The following SLC6A2 variants were observed in gnomAD, a reference collection of about 807,000 sequenced individuals.
SLC6A2 encodes the protein solute carrier family 6 member 2.
A neutral mutation model predicts 71.7 loss-of-function variants in SLC6A2; 26 were observed. That is an observed-to-expected ratio of 0.36 (90% CI 0.27 to 0.50). The LOEUF (loss-of-function observed/expected upper bound fraction) is 0.50, where lower values mean the gene tolerates loss of function less well. Ranked by LOEUF, SLC6A2 falls within the 20% of genes least tolerant of loss-of-function variation. The pLI, the probability that SLC6A2 is intolerant of heterozygous loss-of-function variation, is 0.96. For synonymous variants in SLC6A2, 363 were observed against 337.9 expected (o/e 1.07, Z -0.82); for missense variants, 581 against 803.9 (o/e 0.72, Z 3.35).
intron 4 of SLC6A2, among the ~76,000 whole-genome samples, chr16:55,674,040 T>A (rs1407918032): frequency 6.6e-6 from 1 of 152,204 alleles, no homozygotes; most frequent in Non-Finnish European, 1.5e-5. Flanking sequence ...TTATTTCAAC[T>A]TTCATTTTAG....
chr16:55,660,300 A>G (rs1964575842), intron 2 of SLC6A2, among the ~76,000 whole-genome samples: 1 of 152,178 alleles, frequency 6.6e-6, no homozygotes, highest in African/African-American at 2.4e-5. Context: ...AGGCCTTGAA[A>G]GCCAGGCTAA....
chr16:55,665,997 T>C (rs766949594), intron 2 of SLC6A2, among the ~76,000 whole-genome samples: 3 of 152,258 alleles, frequency 2.0e-5, no homozygotes, highest in Non-Finnish European at 4.4e-5. Context: ...CAAAAGTGTG[T>C]GTCCATTTTG....
At chr16:55,661,937 A>G (rs1311611076) in intron 2 of SLC6A2, among the ~76,000 whole-genome samples, 2 of 152,210 alleles carry the variant, frequency 1.3e-5, no homozygotes, top group African/African-American at 4.8e-5. Flanking sequence ...AGAGGTCAGG[A>G]GTCTGCAAAC....
At chr16:55,669,946 C>G (rs1368757105) in intron 3 of SLC6A2, among the ~76,000 whole-genome samples, 1 of 152,202 alleles carries the variant, frequency 6.6e-6, no homozygotes, top group Non-Finnish European at 1.5e-5. Context: ...CCCAGAGAAT[C>G]TATTTCCTGT....
At chr16:55,698,977 G>T (rs116285605) in intron 11 of SLC6A2, among the ~76,000 whole-genome samples, 1 of 152,140 alleles carries the variant, frequency 6.6e-6, no homozygotes, top group African/African-American at 2.4e-5. Context: ...CATTATTTAT[G>T]TGAAATTCAA....
In SLC6A2 at chr16:55,700,409, C is replaced by G. The variant is rs536868260; in HGVS notation, c.1758+103C>G. On this transcript the variant is annotated intron_variant, in intron 13 of 14. Coordinates refer to ENST00000568943, the MANE Select transcript of SLC6A2 (RefSeq NM_001172501.3). ...GGGTGGGGGAAGGGACAGAAGGACACAGACACTAGGGTCAAACGGACCCAC... is the reference window on the plus strand; with the variant it reads ...GGGTGGGGGAAGGGACAGAAGGACAGAGACACTAGGGTCAAACGGACCCAC... 6.0e-5 allele frequency: 63 copies of G among 1,053,408 alleles called. No individual in the cohort carries two copies. The Middle Eastern group carries it at 9.2e-4, about 15-fold the overall frequency. The allele number at this position is 1,053,408 out of a possible 1,614,324, so 65.3% of individuals were successfully genotyped here.
At chr16:55,664,211 G>A (rs545259652) in intron 2 of SLC6A2, among the ~76,000 whole-genome samples, 3 of 152,184 alleles carry the variant, frequency 2.0e-5, no homozygotes, top group Non-Finnish European at 2.9e-5. Context: ...CCTGTCCCCC[G>A]CTCTGGCCGG....
chr16:55,681,866 T>C (rs1403842856), intron 4 of SLC6A2, among the ~76,000 whole-genome samples: 1 of 152,240 alleles, frequency 6.6e-6, no homozygotes, highest in Non-Finnish European at 1.5e-5. Context: ...AAGGACGATA[T>C]ATTAAGCTGT....
In SLC6A2 at chr16:55,699,664, G is replaced by A. The variant is rs1179333633; in HGVS notation, c.1590+10G>A. 1 of 1,595,650 alleles carries A rather than the reference G, an allele frequency of 6.3e-7. No homozygotes were observed. Among genetic ancestry groups the A allele is most frequent in the South Asian group, 1.1e-5 (1 of 90,700 alleles). On this transcript the variant is annotated intron_variant, in intron 12 of 14. Coordinates refer to ENST00000568943, the MANE Select transcript of SLC6A2 (RefSeq NM_001172501.3). ...TCCTGCCTTCCTCCTGGTGTGTAGT[G>A]TCTGCAGGGAAGTCCTGCATGTGGG...
chr16:55,681,069 C>T (rs758826776), intron 4 of SLC6A2, among the ~76,000 whole-genome samples: 4 of 152,154 alleles, frequency 2.6e-5, no homozygotes, highest in Non-Finnish European at 5.9e-5. Context: ...ACCTTCACAG[C>T]GGAGTCTCCC....
At chr16:55,666,759 A>G (rs6499771) in intron 2 of SLC6A2, among the ~76,000 whole-genome samples, 23,691 of 152,094 alleles carry the variant, frequency 0.16, 1,958 homozygotes, top group Non-Finnish European at 0.17. Flanking sequence ...TGTCACCCAG[A>G]GGTTTAGAGT....
intron 5 of SLC6A2, among the ~76,000 whole-genome samples, chr16:55,686,140 C>T (rs1476416971): frequency 6.6e-6 from 1 of 152,138 alleles, no homozygotes; most frequent in African/African-American, 2.4e-5. Flanking sequence ...TCTCACAATT[C>T]TATGGGTTGA....
At chr16:55,659,659 T>G (rs1379905802) in intron 2 of SLC6A2, among the ~76,000 whole-genome samples, 1 of 152,204 alleles carries the variant, frequency 6.6e-6, no homozygotes, top group Non-Finnish European at 1.5e-5. Context: ...CCCAAGAAAC[T>G]GCTGTTGAAT....
intron 2 of SLC6A2, among the ~76,000 whole-genome samples, chr16:55,666,068 A>G (rs1964742010): frequency 6.6e-6 from 1 of 152,232 alleles, no homozygotes. Flanking sequence ...ACTCCCAGGC[A>G]CTGGGCACTG....
At position 55,691,234 on chromosome 16, in the gene SLC6A2, A is replaced by G. The variant is rs1390591484; in HGVS notation, c.784-684A>G. On this transcript the variant is annotated intron_variant, in intron 5 of 14. Transcript: ENST00000568943. ...AGAGGGGGGGAGGGGAGAGGGGGAG[A>G]GAGAGAGAGAGAGAGAGAGAGAGAG... 5.8e-3 allele frequency among the ~76,000 whole-genome samples: 7 copies of G among 1,202 alleles called. No homozygotes were observed. The South Asian group carries it at 0.088, about 15-fold the overall frequency. 0.8% of individuals were successfully genotyped at this position (1,202 alleles called of 152,430 possible). A position where few individuals can be genotyped will look rare whatever the true frequency, so the allele number is the denominator to read the frequency against.
At chr16:55,700,621 T>G (rs1338562928) in intron 13 of SLC6A2, among the ~76,000 whole-genome samples, 3 of 152,188 alleles carry the variant, frequency 2.0e-5, no homozygotes, top group African/African-American at 7.2e-5. Context: ...TTAGACAGAC[T>G]GCCTGAACCC....
intron 2 of SLC6A2, among the ~76,000 whole-genome samples, chr16:55,661,362 C>T (rs1415383781): frequency 6.6e-6 from 1 of 152,188 alleles, no homozygotes; most frequent in Non-Finnish European, 1.5e-5. Context: ...ACAAATCACT[C>T]ACCTTTGCTG....
intron 4 of SLC6A2, among the ~76,000 whole-genome samples, chr16:55,675,401 A>G (rs895343863): frequency 1.3e-5 from 2 of 152,254 alleles, no homozygotes; most frequent in African/African-American, 2.4e-5. Context: ...AAGATCATAG[A>G]GTAAATATTG....
chr16:55,669,447 C>T (rs537209246), intron 2 of SLC6A2, 118 bp from the exon 3 acceptor site: 536 of 1,028,098 alleles, frequency 5.2e-4, no homozygotes, highest in Non-Finnish European at 7.4e-4. Flanking sequence ...CTGCGCGTCG[C>T]CTTTGGAAAC....
Sources: allele counts gnomAD v4.1 joint callset (sites outside exome capture counted in the v4.1 genomes callset), GRCh38; gene constraint gnomAD v4.1.1; transcripts MANE v1.5; gene names NCBI Gene and HGNC (gene_info 2026-07-23, HGNC 2026-07-21).